The following GALNT18 variants were observed in gnomAD, a reference collection of about 807,000 sequenced individuals.
GALNT18 encodes GalNAc-transferase 18.
Under a neutral mutation model 69.5 loss-of-function variants are expected in GALNT18, and 44 were observed. That is an observed-to-expected ratio of 0.63 (90% CI 0.50 to 0.81). The LOEUF (loss-of-function observed/expected upper bound fraction) is 0.81. Ranked by LOEUF, GALNT18 falls within the 40% of genes least tolerant of loss-of-function variation. The probability of loss-of-function intolerance (pLI) is 0.00; values close to 1 mark genes in which losing one functional copy is unlikely to be tolerated. For missense variants in GALNT18, 715 were observed against 810.0 expected (o/e 0.88, Z 1.42); for synonymous variants, 364 against 318.2 (o/e 1.14, Z -1.53).
At chr11:11,560,737 T>TA (rs1487088243) in intron 1 of GALNT18, among the ~76,000 whole-genome samples, 1 of 152,188 alleles carries the variant, frequency 6.6e-6, no homozygotes, top group Non-Finnish European at 1.5e-5. Flanking sequence ...CTGCCTGCCT[T>TA]ACCAGGGCTG....
At chr11:11,283,058 G>A (rs755065162) in intron 10 of GALNT18, among the ~76,000 whole-genome samples, 42 of 152,278 alleles carry the variant, frequency 2.8e-4, no homozygotes, top group Non-Finnish European at 3.8e-4. Flanking sequence ...CAGAAATGGC[G>A]GAGTCGTGGG....
chr11:11,602,020 T>C lies in GALNT18; in HGVS notation c.235+19339A>G, dbSNP rs1859645794. ...CCTCTTAAATGCTCGGAAATTGCTT[T>C]TATGCTTGGACCTCCTCATACTCCA... On this transcript the variant is annotated intron_variant, in intron 1 of 10. Coordinates refer to ENST00000227756, the MANE Select transcript of GALNT18 (RefSeq NM_198516.3). The surrounding 1 kb of genome is among the most constrained non-coding windows in gnomAD (Gnocchi z 4.7). Among the ~76,000 whole-genome samples the C allele has an allele frequency of 6.6e-6, 1 of 152,142 alleles. No homozygotes were observed. The highest frequency in any genetic ancestry group is 1.5e-5 in the Non-Finnish European group (1 of 68,028).
In GALNT18 at chr11:11,357,160, C is replaced by A. The variant is rs560981818; in HGVS notation, c.1092+15355G>T. 3.3e-5 allele frequency among the ~76,000 whole-genome samples: 5 copies of A among 152,260 alleles called. 1 individual carries two copies. In the South Asian group the frequency reaches 1.0e-3, roughly 32 times the overall value. ...ACCCTCAAATCGCAGATGCTTTGGC[C>A]TCAGAGGCCTCAGGTTGCTCCGACC... On this transcript the variant is annotated intron_variant, in intron 6 of 10. Coordinates refer to ENST00000227756, the MANE Select transcript of GALNT18 (RefSeq NM_198516.3).
chr11:11,286,138 A>G (rs952310472), intron 10 of GALNT18, among the ~76,000 whole-genome samples: 30 of 152,212 alleles, frequency 2.0e-4, no homozygotes, highest in African/African-American at 7.0e-4. Context: ...AGCCTTGCCA[A>G]TGTTCCCGCC....
intron 1 of GALNT18, among the ~76,000 whole-genome samples, chr11:11,579,474 T>C (rs1859019526): frequency 6.6e-6 from 1 of 152,186 alleles, no homozygotes; most frequent in Non-Finnish European, 1.5e-5. Context: ...ACAGATGGAA[T>C]GGAGCTGCTC....
rs1432826115 is a variant in GALNT18, at chr11:11,415,013, G to A, written c.595+17608C>T. ...ACAATTCGTTTCCTCGCAGTTGTAG[G>A]ACTGAGGTCCCTGCTTTCCTGCTGG... On this transcript the variant is annotated intron_variant, in intron 3 of 10. Coordinates refer to ENST00000227756, the MANE Select transcript of GALNT18 (RefSeq NM_198516.3). The surrounding 1 kb of genome is among the most constrained non-coding windows in gnomAD (Gnocchi z 4.1). Among the ~76,000 whole-genome samples the A allele has an allele frequency of 2.0e-5, 3 of 152,170 alleles. No individual in the cohort carries two copies.
intron 2 of GALNT18, among the ~76,000 whole-genome samples, chr11:11,445,190 C>G (rs111911758): frequency 0.065 from 9,924 of 152,238 alleles, 1,118 homozygotes; most frequent in African/African-American, 0.23. Flanking sequence ...ACAGTGGTTA[C>G]ATGCACAAAT....
At chr11:11,293,542 T>TTTC in intron 9 of GALNT18, among the ~76,000 whole-genome samples, 1 of 135,462 alleles carries the variant, frequency 7.4e-6, no homozygotes, top group East Asian at 2.1e-4. Context: ...TCTTTTTTTT[T>TTTC]TTTTTTTTTT....
chr11:11,442,287 T>C (rs1219415271), intron 2 of GALNT18, among the ~76,000 whole-genome samples: 3 of 152,202 alleles, frequency 2.0e-5, no homozygotes, highest in Admixed American at 6.5e-5. Context: ...TGGGGTTAGA[T>C]TGGGCCCAGC....
intron 1 of GALNT18, among the ~76,000 whole-genome samples, chr11:11,452,253 C>T (rs1252338945): frequency 1.3e-5 from 2 of 152,218 alleles, no homozygotes; most frequent in Non-Finnish European, 2.9e-5. Context: ...AGGGTTTATC[C>T]TCCAGCTCTA....
chr11:11,430,086 G>A lies in GALNT18; in HGVS notation c.595+2535C>T, dbSNP rs996522838. ...GCCTGGGAGCCTGGGAGCTGTGATC[G>A]TGCCACTGCATTCCAGCCTGGGCAA... is the stretch of plus-strand genomic sequence containing the variant. On this transcript the variant is annotated intron_variant, in intron 3 of 10. Coordinates refer to ENST00000227756, the MANE Select transcript of GALNT18 (RefSeq NM_198516.3). This position sits in a 1 kb window ranked among gnomAD's most constrained non-coding sequence, Gnocchi z 4.9. Among the ~76,000 whole-genome samples, 3 of 152,122 alleles carry A rather than the reference G, an allele frequency of 2.0e-5. No homozygotes were observed. Among genetic ancestry groups the A allele is most frequent in the East Asian group, 3.9e-4 (2 of 5,176 alleles).
intron 10 of GALNT18, among the ~76,000 whole-genome samples, chr11:11,277,999 T>C (rs956656627): frequency 4.6e-5 from 7 of 152,200 alleles, no homozygotes; most frequent in Non-Finnish European, 1.0e-4. Flanking sequence ...TGGAGAGTTC[T>C]GTAGATGTCT....
At chr11:11,528,246 G>C (rs1857562462) in intron 1 of GALNT18, among the ~76,000 whole-genome samples, 1 of 152,240 alleles carries the variant, frequency 6.6e-6, no homozygotes, top group Non-Finnish European at 1.5e-5. Context: ...GAAACGTATA[G>C]ACTAGGAAGG....
At chr11:11,368,877 T>C (rs998836783) in intron 6 of GALNT18, among the ~76,000 whole-genome samples, 9 of 152,252 alleles carry the variant, frequency 5.9e-5, no homozygotes, top group Admixed American at 5.2e-4. Flanking sequence ...GCTTTCTTTT[T>C]CCCTTGTCTG....
intron 1 of GALNT18, among the ~76,000 whole-genome samples, chr11:11,574,652 C>A (rs1404037203): frequency 6.6e-6 from 1 of 152,142 alleles, no homozygotes; most frequent in Non-Finnish European, 1.5e-5. Flanking sequence ...CCAGCACCTA[C>A]CAGATGGCTA....
intron 6 of GALNT18, chr11:11,352,141 C>G: frequency 6.2e-7 from 1 of 1,613,590 alleles, no homozygotes; most frequent in Non-Finnish European, 8.5e-7. Flanking sequence ...TCCTTCACAA[C>G]AGTGTAGAAA....
chr11:11,330,421 C>T (rs1474087185), intron 8 of GALNT18, among the ~76,000 whole-genome samples: 1 of 152,226 alleles, frequency 6.6e-6, no homozygotes, highest in Non-Finnish European at 1.5e-5. Context: ...CAGTTGCCCC[C>T]ATTAAGAGTT....
chr11:11,428,762 G>A (rs1158455078), intron 3 of GALNT18, among the ~76,000 whole-genome samples: 1 of 152,152 alleles, frequency 6.6e-6, no homozygotes, highest in Non-Finnish European at 1.5e-5. Flanking sequence ...CTACCTTTAA[G>A]AAAAGAGAAC....
At chr11:11,319,646 A>T (rs972841061) in intron 9 of GALNT18, among the ~76,000 whole-genome samples, 1 of 152,184 alleles carries the variant, frequency 6.6e-6, no homozygotes, top group Non-Finnish European at 1.5e-5. Flanking sequence ...ATGGTATAAA[A>T]ATCCTTCAGA....
Sources: allele counts gnomAD v4.1 joint callset (sites outside exome capture counted in the v4.1 genomes callset), GRCh38; gene constraint gnomAD v4.1.1; non-coding constraint Gnocchi (gnomAD v3.1); transcripts MANE v1.5; gene names NCBI Gene and HGNC (gene_info 2026-07-23, HGNC 2026-07-21).